METTL15: variants seen among roughly 807,000 people sequenced by gnomAD.
METTL15 encodes methyltransferase 15, mitochondrial 12S rRNA N4-cytidine.
Under a neutral mutation model 38.3 loss-of-function variants are expected in METTL15, and 34 were observed. That is an observed-to-expected ratio of 0.89 (90% CI 0.68 to 1.18). METTL15 has a LOEUF of 1.18. METTL15 is among the 50% of genes most tolerant of loss of function. The pLI, the probability that METTL15 is intolerant of heterozygous loss-of-function variation, is 0.00. For synonymous variants in METTL15, 162 were observed against 170.9 expected (o/e 0.95, Z 0.41); for missense variants, 438 against 498.4 (o/e 0.88, Z 1.15).
At chr11:28,128,466 G>A (rs1049327841) in intron 3 of METTL15, among the ~76,000 whole-genome samples, 1 of 152,058 alleles carries the variant, frequency 6.6e-6, no homozygotes, top group Non-Finnish European at 1.5e-5. Flanking sequence ...TCAACATTAT[G>A]TATGTATGTT....
At chr11:28,175,042 A>G (rs2133770555) in intron 3 of METTL15, among the ~76,000 whole-genome samples, 1 of 152,032 alleles carries the variant, frequency 6.6e-6, no homozygotes, top group Admixed American at 6.6e-5. Flanking sequence ...GGTGTGCTGC[A>G]CCCAGTAACT....
chr11:28,346,484 C>T (rs1849997217), intron 3 of METTL15, among the ~76,000 whole-genome samples: 1 of 152,154 alleles, frequency 6.6e-6, no homozygotes, highest in Non-Finnish European at 1.5e-5. Context: ...AAGGAAGATA[C>T]TCCAAACCTG....
At chr11:28,508,067 C>T (rs1003022094) in intron 6 of METTL15, among the ~76,000 whole-genome samples, 1 of 152,198 alleles carries the variant, frequency 6.6e-6, no homozygotes, top group Non-Finnish European at 1.5e-5. Context: ...GTCATTTTTT[C>T]CCGTCCTGTA....
At chr11:28,460,970 T>C (rs1481860350) in intron 6 of METTL15, among the ~76,000 whole-genome samples, 1 of 152,060 alleles carries the variant, frequency 6.6e-6, no homozygotes, top group Non-Finnish European at 1.5e-5. Flanking sequence ...GATAGAATTA[T>C]TATGTGCTTT....
chr11:28,171,611 T>C (rs1303700925), intron 3 of METTL15, among the ~76,000 whole-genome samples: 1 of 152,170 alleles, frequency 6.6e-6, no homozygotes, highest in African/African-American at 2.4e-5. Context: ...ATTTTTATCA[T>C]TAGCAAACTA....
At chr11:28,371,525 C>G (rs1044022139) in intron 5 of METTL15, among the ~76,000 whole-genome samples, 1 of 151,858 alleles carries the variant, frequency 6.6e-6, no homozygotes, top group Middle Eastern at 3.4e-3. Context: ...GTTGTGGTTC[C>G]GTATACTTTT....
chr11:28,217,289 G>A (rs905304900), intron 4 of METTL15, among the ~76,000 whole-genome samples: 2 of 152,110 alleles, frequency 1.3e-5, no homozygotes, highest in African/African-American at 4.8e-5. Flanking sequence ...TTGTGGTTTT[G>A]ATTTGCATTT....
At chr11:28,289,193 A>G (rs1856409824) in intron 4 of METTL15, among the ~76,000 whole-genome samples, 1 of 152,126 alleles carries the variant, frequency 6.6e-6, no homozygotes, top group African/African-American at 2.4e-5. Flanking sequence ...AACTGTTTAT[A>G]CATCTTTTCC....
chr11:28,371,258 T>C (rs1180379343), intron 5 of METTL15, among the ~76,000 whole-genome samples: 2 of 152,116 alleles, frequency 1.3e-5, no homozygotes, highest in African/African-American at 2.4e-5. Flanking sequence ...TATCCAGTTT[T>C]CATAGCATCA....
chr11:28,298,156 C>T (rs1306740595), intron 6 of METTL15, among the ~76,000 whole-genome samples: 6 of 151,876 alleles, frequency 4.0e-5, no homozygotes, highest in Admixed American at 2.0e-4. Flanking sequence ...TATTTTCCCC[C>T]CTAAAAAAGT....
intron 5 of METTL15, among the ~76,000 whole-genome samples, chr11:28,371,495 G>A (rs893123776): frequency 6.6e-6 from 1 of 151,840 alleles, no homozygotes; most frequent in Non-Finnish European, 1.5e-5. Context: ...GATCAGTATT[G>A]CTTTGGCTAT....
intron 6 of METTL15, among the ~76,000 whole-genome samples, chr11:28,321,279 A>G (rs1849457922): frequency 1.3e-5 from 2 of 152,186 alleles, no homozygotes; most frequent in South Asian, 4.1e-4. Context: ...TTCATCCTAG[A>G]ATGGAGAAAC....
chr11:28,245,379 G>C (rs1465072008), intron 4 of METTL15, among the ~76,000 whole-genome samples: 1 of 152,138 alleles, frequency 6.6e-6, no homozygotes, highest in East Asian at 1.9e-4. Context: ...AAAACCTGCT[G>C]TACACAGCCA....
At chr11:28,403,218 C>T (rs530333084) in intron 5 of METTL15, among the ~76,000 whole-genome samples, 3 of 152,020 alleles carry the variant, frequency 2.0e-5, no homozygotes, top group African/African-American at 7.2e-5. Flanking sequence ...TAATTCAATT[C>T]AAGTCTGACA....
chr11:28,207,929 T>C (rs1852433011), intron 3 of METTL15, among the ~76,000 whole-genome samples: 1 of 152,210 alleles, frequency 6.6e-6, no homozygotes, highest in East Asian at 1.9e-4. Context: ...GATGGTAGTT[T>C]GTATTTCTGT....
chr11:28,278,443 T>A (rs1030032351), intron 4 of METTL15, among the ~76,000 whole-genome samples: 32 of 152,340 alleles, frequency 2.1e-4, no homozygotes, highest in African/African-American at 7.2e-4. Context: ...AACTTCCCTG[T>A]GAGGGCCCAA....
intron 6 of METTL15, among the ~76,000 whole-genome samples, chr11:28,449,784 G>A (rs536986669): frequency 1.2e-4 from 19 of 152,284 alleles, no homozygotes; most frequent in African/African-American, 4.3e-4. Flanking sequence ...TACCTTTCTA[G>A]AGGGGCAATG....
At chr11:28,359,847 A>T (rs1256269355) in intron 4 of METTL15, among the ~76,000 whole-genome samples, 1 of 152,206 alleles carries the variant, frequency 6.6e-6, no homozygotes, top group Admixed American at 6.5e-5. Flanking sequence ...CTTTAATTAT[A>T]TGAGTTGTTT....
At chr11:28,416,861 T>G (rs911333748) in intron 5 of METTL15, among the ~76,000 whole-genome samples, 4 of 152,184 alleles carry the variant, frequency 2.6e-5, no homozygotes, top group Admixed American at 2.6e-4. Flanking sequence ...CAGTTTGGTC[T>G]TTACAGTTTC....
Sources: allele counts gnomAD v4.1 joint callset (sites outside exome capture counted in the v4.1 genomes callset), GRCh38; gene constraint gnomAD v4.1.1; transcripts MANE v1.5; gene names NCBI Gene and HGNC (gene_info 2026-07-23, HGNC 2026-07-21).